The following TRMT9B variants were observed in gnomAD, a reference collection of about 807,000 sequenced individuals.
TRMT9B encodes the protein tRNA methyltransferase 9B (putative).
Under a neutral mutation model 11.5 loss-of-function variants are expected in TRMT9B, and 16 were observed. The observed-to-expected ratio is 1.39, with a 90% CI of 0.94 to 2.11. TRMT9B has a LOEUF of 2.11. Ranked by LOEUF, TRMT9B falls within the 30% of genes most tolerant of loss-of-function variation. TRMT9B has a pLI of 0.00. For synonymous variants in TRMT9B, 274 were observed against 192.4 expected (o/e 1.42, Z -3.51); for missense variants, 941 against 553.8 (o/e 1.70, Z -7.02).
At position 13,012,745 on chromosome 8, in the gene TRMT9B, C is replaced by G; in HGVS notation, c.216C>G (p.Tyr72Ter). The G allele has an allele frequency of 6.2e-7, 1 of 1,613,954 alleles. No individual in the cohort carries two copies. Residue 72 changes from tyrosine (Y) to a stop codon, truncating the protein, a stop_gained, in exon 4 of 5, where the codon TAC (tyrosine) becomes TAG (stop). Transcript: ENST00000524591. LOFTEE classifies it high-confidence loss of function. ...NSQVHTVGCDYCGPLVEIARN... is the reference protein window; with the variant it reads ...NSQVHTVGCD The stretch of plus-strand genomic sequence containing the variant: ...AGGTACATACCGTGGGCTGTGACTA[C>G]TGTGGGCCACTGGTAGAGATTGCCC...
chr8:12,993,584 A>T (rs1391710706), intron 2 of TRMT9B, among the ~76,000 whole-genome samples: 1 of 152,230 alleles, frequency 6.6e-6, no homozygotes, highest in Non-Finnish European at 1.5e-5. Context: ...AGGGGATGGC[A>T]GTACAAACAG....
At chr8:12,967,355 C>T (rs1802957588) in intron 1 of TRMT9B, among the ~76,000 whole-genome samples, 1 of 152,214 alleles carries the variant, frequency 6.6e-6, no homozygotes, top group South Asian at 2.1e-4. Flanking sequence ...GACTATAGGT[C>T]TAGAAAAATC....
chr8:13,015,590 C>G (rs1009029413), intron 4 of TRMT9B, among the ~76,000 whole-genome samples: 1 of 152,010 alleles, frequency 6.6e-6, no homozygotes, highest in Non-Finnish European at 1.5e-5. Flanking sequence ...CAGGGCTCAA[C>G]CAGTCCACCT....
intron 2 of TRMT9B, among the ~76,000 whole-genome samples, chr8:13,002,270 C>T (rs1161252542): frequency 6.6e-6 from 1 of 152,304 alleles, no homozygotes; most frequent in African/African-American, 2.4e-5. Flanking sequence ...TACCACTTAA[C>T]ATTTCCAAGT....
At chr8:13,018,098 T>TAAAAA (rs372443756) in intron 4 of TRMT9B, among the ~76,000 whole-genome samples, 2 of 134,900 alleles carry the variant, frequency 1.5e-5, no homozygotes, top group African/African-American at 2.8e-5. Context: ...AGGACTTTCT[T>TAAAAA]AAAAAAAAAA....
rs1814527009 is a variant in TRMT9B at position 13,025,073 on chromosome 8, T to C, written c.*3029T>C. 6.0e-6 allele frequency: 1 copy of C among 166,992 alleles called. No homozygotes were observed. The highest frequency in any genetic ancestry group is 2.1e-4 in the South Asian group (1 of 4,836). 10.3% of individuals were successfully genotyped at this position (166,992 alleles called of 1,614,324 possible). On this transcript the variant is annotated 3_prime_UTR_variant, in exon 5 of 5. Coordinates refer to ENST00000524591, the MANE Select transcript of TRMT9B (RefSeq NM_020844.3). ...TGCTTGATGATAGATTCTACTGACCTAGCTGGAGTAATCTGATCACTTACT... is the reference window on the plus strand; with the variant it reads ...TGCTTGATGATAGATTCTACTGACCCAGCTGGAGTAATCTGATCACTTACT...
chr8:12,957,915 G>A lies in TRMT9B; in HGVS notation c.-200+11949G>A, dbSNP rs1000503993. The stretch of plus-strand genomic sequence containing the variant: ...CAGAACGTTTTTATCTTCTCAAAGT[G>A]AAACTCCATACCCATTAAACCATAA... On this transcript the variant is annotated intron_variant, in intron 1 of 4. Transcript: ENST00000524591. 5.3e-5 allele frequency among the ~76,000 whole-genome samples: 8 copies of A among 152,146 alleles called. No homozygotes were observed. The South Asian group carries it at 1.0e-3, about 20-fold the overall frequency.
chr8:12,963,487 T>C (rs752574761), intron 1 of TRMT9B, among the ~76,000 whole-genome samples: 7 of 152,024 alleles, frequency 4.6e-5, no homozygotes, highest in Admixed American at 6.6e-5. Context: ...CAGTGGCTCA[T>C]GCCTGTAATC....
At chr8:12,996,573 C>G (rs1808380663) in intron 2 of TRMT9B, among the ~76,000 whole-genome samples, 1 of 152,188 alleles carries the variant, frequency 6.6e-6, no homozygotes, top group Admixed American at 6.5e-5. Context: ...CCAGAAGGCA[C>G]TGACTGGATG....
In TRMT9B at chr8:13,026,212, T is replaced by C. The variant is rs897986725; in HGVS notation, c.*4168T>C. 6.0e-6 allele frequency: 1 copy of C among 167,060 alleles called. No individual in the cohort carries two copies. The highest frequency in any genetic ancestry group is 2.4e-5 in the African/African-American group (1 of 41,432). 10.3% of individuals were successfully genotyped at this position (167,060 alleles called of 1,614,324 possible). A position where few individuals can be genotyped will look rare whatever the true frequency, so the allele number is the denominator to read the frequency against. On this transcript the variant is annotated 3_prime_UTR_variant, in exon 5 of 5. Transcript: ENST00000524591. Reference sequence around the variant, plus strand: ...GCCTCAGCATCTCTTTCCTATTACATAGAAAATCTGAAATGAGAATAGCTG... The same window carrying C: ...GCCTCAGCATCTCTTTCCTATTACACAGAAAATCTGAAATGAGAATAGCTG...
At chr8:12,972,258 C>T (rs1179647276) in intron 1 of TRMT9B, among the ~76,000 whole-genome samples, 1 of 152,094 alleles carries the variant, frequency 6.6e-6, no homozygotes, top group African/African-American at 2.4e-5. Flanking sequence ...GAAGCTTGGA[C>T]GAGGGGTCCC....
Position 12,974,579 on chromosome 8 carries a change from A to G in TRMT9B, c.-199-16255A>G, listed in dbSNP as rs1208684627. On this transcript the variant is annotated intron_variant, in intron 1 of 4. Coordinates refer to ENST00000524591, the MANE Select transcript of TRMT9B (RefSeq NM_020844.3). ...TACAAGTCCTGCCTCGTTCCAGACA[A>G]CAGGTTGGCCAATAGATGTTTCAAG... is the stretch of plus-strand genomic sequence containing the variant. Among the ~76,000 whole-genome samples, 4 of 152,212 alleles carry G rather than the reference A, an allele frequency of 2.6e-5. No individual in the cohort carries two copies. The East Asian group carries it at 5.8e-4, about 22-fold the overall frequency.
At chr8:12,976,826 C>A (rs2128871078) in intron 1 of TRMT9B, among the ~76,000 whole-genome samples, 1 of 152,168 alleles carries the variant, frequency 6.6e-6, no homozygotes, top group South Asian at 2.1e-4. Context: ...GACTTTAAAC[C>A]CAGGAAAGAG....
At chr8:13,002,519 G>C (rs944279174) in intron 2 of TRMT9B, among the ~76,000 whole-genome samples, 2 of 152,204 alleles carry the variant, frequency 1.3e-5, no homozygotes, top group Non-Finnish European at 2.9e-5. Flanking sequence ...AGTTTAGTCA[G>C]ACCTCACAAA....
chr8:13,012,297 C>A, intron 3 of TRMT9B: 1 of 971,452 alleles, frequency 1.0e-6, no homozygotes, highest in Non-Finnish European at 1.2e-6. Context: ...AAAAAGTTGG[C>A]CAGGCACAGT....
chr8:12,976,482 A>G (rs1393394822), intron 1 of TRMT9B, among the ~76,000 whole-genome samples: 2 of 151,916 alleles, frequency 1.3e-5, no homozygotes, highest in African/African-American at 4.8e-5. Context: ...GCTCGTGCCT[A>G]TAATCTCAGC....
At chr8:12,956,329 T>C (rs1028291914) in intron 1 of TRMT9B, among the ~76,000 whole-genome samples, 1 of 152,204 alleles carries the variant, frequency 6.6e-6, no homozygotes, top group Admixed American at 6.5e-5. Context: ...GGTAAGAGGA[T>C]ATGTTGTAAA....
rs746950476 is a variant in TRMT9B at position 13,021,764 on chromosome 8, C to A, written c.1085C>A (p.Ala362Glu). 1.2e-6 allele frequency: 2 copies of A among 1,613,884 alleles called. No individual in the cohort carries two copies. Among genetic ancestry groups the A allele is most frequent in the South Asian group, 2.2e-5 (2 of 91,066 alleles). ...STNTGVNCVD[A>E]GNIEDDNPSA... ...AATACTGGTGTGAATTGTGTGGATG[C>A]AGGCAACATAGAAGATGATAATCCT... Residue 362 changes from alanine (A) to glutamate (E), a missense_variant, in exon 5 of 5, where the codon GCA (alanine) becomes GAA (glutamate). Transcript: ENST00000524591.
chr8:12,962,617 A>G (rs752732019), intron 1 of TRMT9B, among the ~76,000 whole-genome samples: 2 of 152,004 alleles, frequency 1.3e-5, no homozygotes, highest in Non-Finnish European at 2.9e-5. Context: ...CAGCCCCCCA[A>G]GTAGCTGGGA....
Sources: gnomAD v4.1 joint callset for allele counts (sites outside exome capture counted in the v4.1 genomes callset) on GRCh38, gnomAD v4.1.1 for gene constraint, MANE v1.5 for transcripts, NCBI Gene and HGNC (gene_info 2026-07-23, HGNC 2026-07-21) for gene names.